The following ATP13A3 variants were observed in gnomAD, a reference collection of about 807,000 sequenced individuals.
ATP13A3 encodes ATPase 13A3.
Under a neutral mutation model 158.1 loss-of-function variants are expected in ATP13A3, and 59 were observed. The ratio of observed to expected loss-of-function variants is 0.37; its 90% CI spans 0.30 to 0.46. The LOEUF is 0.46. Ranked by LOEUF, ATP13A3 falls within the 20% of genes least tolerant of loss-of-function variation. The pLI is 1.00. For synonymous variants in ATP13A3, 491 were observed against 504.3 expected (o/e 0.97, Z 0.35); for missense variants, 1,166 against 1,525.2 (o/e 0.76, Z 3.92).
chr3:194,456,292 T>C (rs2108946700), intron 7 of ATP13A3, among the ~76,000 whole-genome samples: 1 of 151,704 alleles, frequency 6.6e-6, no homozygotes, highest in African/African-American at 2.4e-5. Context: ...ATTACAATTA[T>C]TTTTTGCAAG....
rs191412554 is a variant in ATP13A3 at position 194,467,944 on chromosome 3, T to G, written c.-46-5708A>C. 5 of 152,292 alleles carry G rather than the reference T, an allele frequency of 3.3e-5. No homozygotes were observed. In the East Asian group the frequency reaches 9.6e-4, roughly 29 times the overall value. The allele number at this position is 152,292 out of a possible 1,614,324, so 9.4% of individuals were successfully genotyped here. A position where few individuals can be genotyped will look rare whatever the true frequency, so the allele number is the denominator to read the frequency against. On this transcript the variant is annotated intron_variant, in intron 2 of 33. Coordinates refer to ENST00000645319, the MANE Select transcript of ATP13A3 (RefSeq NM_001367549.1). Reference sequence around the variant, plus strand: ...TTTTTTAACCAAGTCAAATTCGATATCAGAGAAAACAAATTGAAGAAATTT... The same window carrying G: ...TTTTTTAACCAAGTCAAATTCGATAGCAGAGAAAACAAATTGAAGAAATTT...
At chr3:194,435,331 C>T (rs573596030) in intron 20 of ATP13A3, among the ~76,000 whole-genome samples, 101 of 152,296 alleles carry the variant, frequency 6.6e-4, no homozygotes, top group African/African-American at 2.2e-3. Flanking sequence ...GGCTTCAGCT[C>T]GTCTCCTAAC....
At chr3:194,485,023 C>T (rs1290595289) in intron 2 of ATP13A3, among the ~76,000 whole-genome samples, 1 of 151,028 alleles carries the variant, frequency 6.6e-6, no homozygotes, top group Non-Finnish European at 1.5e-5. Flanking sequence ...CACCACTGCA[C>T]TCCAGCCTGG....
intron 6 of ATP13A3, among the ~76,000 whole-genome samples, chr3:194,458,551 AT>A (rs1457835575): frequency 6.6e-6 from 1 of 151,620 alleles, no homozygotes; most frequent in East Asian, 1.9e-4. Flanking sequence ...CACCAGGCTA[AT>A]TTTTTTTGTA....
intron 2 of ATP13A3, among the ~76,000 whole-genome samples, chr3:194,465,520 A>C (rs1719936541): frequency 1.3e-5 from 2 of 152,166 alleles, no homozygotes; most frequent in African/African-American, 4.8e-5. Context: ...ATTTTTACCA[A>C]CCACAATGGA....
rs1718556016 is a variant in ATP13A3 at position 194,448,432 on chromosome 3, A to G, written c.1150+25T>C. The G allele has an allele frequency of 1.2e-5, 20 of 1,603,852 alleles. 1 individual carries two copies. The highest frequency in any genetic ancestry group is 1.7e-5 in the Non-Finnish European group (20 of 1,171,066). The stretch of plus-strand genomic sequence containing the variant: ...ATCAAATATGCTGAAACATGCAAAA[A>G]GAGATTAATTAAGATGTTTCCTACC... On this transcript the variant is annotated intron_variant, in intron 12 of 33. Transcript: ENST00000645319. The surrounding 1 kb of genome is among the most constrained non-coding windows in gnomAD (Gnocchi z 4.0).
chr3:194,447,240 G>C (rs561864139), intron 13 of ATP13A3, 125 bp from the exon 14 acceptor site: 3 of 739,448 alleles, frequency 4.1e-6, no homozygotes, highest in South Asian at 4.0e-5. Context: ...GTATGTGTGT[G>C]TATATACATA....
chr3:194,454,146 AAAT>A (rs1455230728), intron 9 of ATP13A3, 109 bp downstream of exon 9: 1 of 1,123,426 alleles, frequency 8.9e-7, no homozygotes, highest in African/African-American at 1.6e-5. Context: ...CATGCAACTA[AAAT>A]AATGACTGCA....
intron 16 of ATP13A3, 98 bp from the exon 17 acceptor site, chr3:194,439,070 T>G (rs1048247415): frequency 2.9e-6 from 2 of 693,934 alleles, no homozygotes; most frequent in Non-Finnish European, 4.6e-6. Context: ...TAGAACATTA[T>G]GGCCATTTTC....
chr3:194,483,417 C>G (rs79177576), intron 2 of ATP13A3, among the ~76,000 whole-genome samples: 15,512 of 110,982 alleles, frequency 0.14, 1,546 homozygotes, highest in African/African-American at 0.36. Flanking sequence ...CGGTGAAAAC[C>G]CACCTCTACA....
At chr3:194,427,311 G>GT in intron 28 of ATP13A3, 59 bp from the exon 29 acceptor site, 1 of 1,408,578 alleles carries the variant, frequency 7.1e-7, no homozygotes, top group Non-Finnish European at 9.6e-7. Flanking sequence ...CACTATATAA[G>GT]GCATAACTAG....
intron 10 of ATP13A3, chr3:194,452,656 T>A (rs900595993): frequency 6.6e-6 from 1 of 152,166 alleles, no homozygotes; most frequent in Admixed American, 6.5e-5. Flanking sequence ...CCACACAATC[T>A]CTAATTTCTA....
chr3:194,475,231 T>A (rs1720474153), intron 2 of ATP13A3, among the ~76,000 whole-genome samples: 1 of 152,186 alleles, frequency 6.6e-6, no homozygotes, highest in Non-Finnish European at 1.5e-5. Flanking sequence ...CTAAAAATAA[T>A]TTTTTTCATT....
intron 33 of ATP13A3, among the ~76,000 whole-genome samples, chr3:194,408,097 G>A (rs1018920661): frequency 2.0e-5 from 3 of 149,398 alleles, no homozygotes; most frequent in African/African-American, 7.4e-5. Context: ...TAAGCTCACT[G>A]CAACCACTGT....
At chr3:194,431,353 G>A (rs1717206654) in intron 22 of ATP13A3, 127 bp from the exon 23 acceptor site, 8 of 1,136,720 alleles carry the variant, frequency 7.0e-6, no homozygotes, top group Admixed American at 5.5e-5. Context: ...GATGAAAGCC[G>A]GACATTTATT....
At position 194,448,453 on chromosome 3, in the gene ATP13A3, C is replaced by T. The variant is rs764374931; in HGVS notation, c.1150+4G>A. Reference sequence around the variant, plus strand: ...AAAAAGAGATTAATTAAGATGTTTCCTACCTGTTCTAACAACTATGGCTTT... The same window carrying T: ...AAAAAGAGATTAATTAAGATGTTTCTTACCTGTTCTAACAACTATGGCTTT... On this transcript the variant is annotated splice_donor_region_variant and intron_variant, in intron 12 of 33. Coordinates refer to ENST00000645319, the MANE Select transcript of ATP13A3 (RefSeq NM_001367549.1). The surrounding 1 kb of genome is among the most constrained non-coding windows in gnomAD (Gnocchi z 4.0). 6.2e-7 allele frequency: 1 copy of T among 1,611,868 alleles called. No individual in the cohort carries two copies. Among genetic ancestry groups the T allele is most frequent in the South Asian group, 1.1e-5 (1 of 90,986 alleles).
chr3:194,489,744 CTT>C (rs1246286032), upstream of ATP13A3, among the ~76,000 whole-genome samples: 1 of 152,192 alleles, frequency 6.6e-6, no homozygotes, highest in Non-Finnish European at 1.5e-5. The surrounding 1 kb of genome is among the most constrained non-coding windows in gnomAD (Gnocchi z 4.1). Context: ...ATTCCAAAAA[CTT>C]TTCTGTTACA....
chr3:194,405,811 A>G lies in ATP13A3; in HGVS notation c.*108T>C. ...CTGTCAAATAAGCTACTATATCAGAAGGGACATAAACTGAACTAGTGCCAT... is the reference window on the plus strand; with the variant it reads ...CTGTCAAATAAGCTACTATATCAGAGGGGACATAAACTGAACTAGTGCCAT... On this transcript the variant is annotated 3_prime_UTR_variant, in exon 34 of 34. Transcript: ENST00000645319. 1 of 1,140,938 alleles carries G rather than the reference A, an allele frequency of 8.8e-7. No homozygotes were observed. Among genetic ancestry groups the G allele is most frequent in the African/African-American group, 1.5e-5 (1 of 64,562 alleles). The allele number at this position is 1,140,938 out of a possible 1,614,324, so 70.7% of individuals were successfully genotyped here.
At chr3:194,429,855 A>G in intron 26 of ATP13A3, 81 bp from the exon 27 acceptor site, 1 of 1,262,646 alleles carries the variant, frequency 7.9e-7, no homozygotes, top group Non-Finnish European at 1.1e-6. Flanking sequence ...ATCTTGACAG[A>G]TGAACATCAA....
Sources: allele counts gnomAD v4.1 joint callset (sites outside exome capture counted in the v4.1 genomes callset), GRCh38; gene constraint gnomAD v4.1.1; non-coding constraint Gnocchi (gnomAD v3.1); transcripts MANE v1.5; gene names NCBI Gene and HGNC (gene_info 2026-07-23, HGNC 2026-07-21).